Variants in FSTL4 observed in about 807,000 individuals in gnomAD.
FSTL4 encodes the protein follistatin-related protein 4.
FSTL4 carries 28 observed loss-of-function variants against 78.2 expected under a neutral mutation model. The observed-to-expected ratio is 0.36, with a 90% CI of 0.27 to 0.49. The LOEUF (loss-of-function observed/expected upper bound fraction) is 0.49. FSTL4 is among the 20% of genes least tolerant of loss of function. FSTL4 has a pLI of 0.98. For synonymous variants in FSTL4, 422 were observed against 440.5 expected, an observed-to-expected ratio of 0.96 and a Z score of 0.53; for missense variants, 922 against 1,084.9, an observed-to-expected ratio of 0.85 and a Z score of 2.11.
chr5:133,759,341 G>T, the FSTL4 span, among the ~76,000 whole-genome samples: 1 of 152,188 alleles, frequency 6.6e-6, no homozygotes, highest in Non-Finnish European at 1.5e-5. Context: ...TCCTGTACAT[G>T]CATAGTGAGA....
At position 133,225,147 on chromosome 5, in the gene FSTL4, T is replaced by C. The variant is rs1317906338; in HGVS notation, c.1312+3A>G. 1 of 1,614,200 alleles carries C rather than the reference T, an allele frequency of 6.2e-7. No individual in the cohort carries two copies. The highest frequency in any genetic ancestry group is 8.5e-7 in the Non-Finnish European group (1 of 1,180,040). On this transcript the variant is annotated splice_donor_region_variant and intron_variant, in intron 10 of 15. Transcript: ENST00000265342. The surrounding 1 kb of genome is among the most constrained non-coding windows in gnomAD (Gnocchi z 4.6). ...TGAGAAGCATAAACGCGTGTCGACT[T>C]ACGGGTCTTTCTAGCTGAGTCTTCA...
intron 4 of FSTL4, among the ~76,000 whole-genome samples, chr5:133,399,338 A>T (rs1756158376): frequency 6.6e-6 from 1 of 152,160 alleles, no homozygotes; most frequent in Non-Finnish European, 1.5e-5. Context: ...TCATTTCCAT[A>T]ATGTGTCTCA....
intron 3 of FSTL4, among the ~76,000 whole-genome samples, chr5:133,558,311 T>C (rs1020000042): frequency 6.6e-6 from 1 of 152,216 alleles, no homozygotes; most frequent in African/African-American, 2.4e-5. Context: ...GATATTGTTT[T>C]TGAGGCACTG....
At chr5:133,280,554 C>T (rs1752986257) in intron 6 of FSTL4, among the ~76,000 whole-genome samples, 2 of 152,298 alleles carry the variant, frequency 1.3e-5, no homozygotes, top group East Asian at 1.9e-4. Context: ...GCACCAAGTC[C>T]CCAGCCCCAA....
the FSTL4 span, among the ~76,000 whole-genome samples, chr5:133,674,642 G>A: frequency 0.029 from 4,474 of 151,726 alleles, 233 homozygotes; most frequent in African/African-American, 0.1. Flanking sequence ...AATAAAAACC[G>A]AACCGATGCA....
the FSTL4 span, among the ~76,000 whole-genome samples, chr5:133,740,586 G>T: frequency 2.6e-5 from 4 of 152,122 alleles, no homozygotes. Context: ...TTTGATTGGT[G>T]CTCTGTAATC....
At chr5:133,615,834 G>T (rs1307478998), upstream of FSTL4, among the ~76,000 whole-genome samples, 1 of 152,178 alleles carries the variant, frequency 6.6e-6, no homozygotes, top group Non-Finnish European at 1.5e-5. Context: ...TGTGATTGGG[G>T]AAATTTTTCG....
At chr5:133,702,977 G>A in the FSTL4 span, among the ~76,000 whole-genome samples, 1 of 152,208 alleles carries the variant, frequency 6.6e-6, no homozygotes, top group Non-Finnish European at 1.5e-5. Flanking sequence ...GCACAATGCT[G>A]CCCCACCGTG....
the FSTL4 span, among the ~76,000 whole-genome samples, chr5:133,635,582 G>A: frequency 6.6e-6 from 1 of 152,116 alleles, no homozygotes; most frequent in Admixed American, 6.5e-5. Flanking sequence ...TGACCAACAT[G>A]GAGAAACCCC....
chr5:133,790,644 C>A, the FSTL4 span, among the ~76,000 whole-genome samples: 6 of 152,180 alleles, frequency 3.9e-5, no homozygotes, highest in Admixed American at 3.9e-4. Context: ...CAACAGGCAT[C>A]TCAGGATCAT....
chr5:133,212,407 C>G (rs896098074), intron 13 of FSTL4, among the ~76,000 whole-genome samples: 2 of 152,212 alleles, frequency 1.3e-5, no homozygotes, highest in African/African-American at 4.8e-5. Context: ...GCCAAGAGAT[C>G]TGATCCTGGC....
At chr5:133,369,017 G>T (rs989954084) in intron 4 of FSTL4, among the ~76,000 whole-genome samples, 2 of 152,180 alleles carry the variant, frequency 1.3e-5, no homozygotes, top group African/African-American at 4.8e-5. Flanking sequence ...GGAAAAGTCA[G>T]TCTTGAGCCA....
chr5:133,785,345 C>T, the FSTL4 span, among the ~76,000 whole-genome samples: 4 of 152,144 alleles, frequency 2.6e-5, no homozygotes, highest in Non-Finnish European at 5.9e-5. Context: ...AGTGACCTAC[C>T]ACAGGGAAGG....
intron 3 of FSTL4, among the ~76,000 whole-genome samples, chr5:133,465,842 A>G (rs1757696243): frequency 6.6e-6 from 1 of 152,242 alleles, no homozygotes; most frequent in Admixed American, 6.5e-5. Context: ...CACTGAAACC[A>G]ACTCTAACAG....
rs770521396 is a variant in FSTL4 at position 133,523,138 on chromosome 5, C to G, written c.160+44048G>C. Among the ~76,000 whole-genome samples, 36 of 152,200 alleles carry G rather than the reference C, an allele frequency of 2.4e-4. 1 individual carries two copies. The highest frequency in any genetic ancestry group is 4.3e-4 in the Non-Finnish European group (29 of 68,018). On this transcript the variant is annotated intron_variant, in intron 3 of 15. Coordinates refer to ENST00000265342, the MANE Select transcript of FSTL4 (RefSeq NM_015082.2). ...GGACTGGTGTCCTTATAAGAAGAGACGCCAGCCGTCTCTCTCCCGGCATGC... is the reference window on the plus strand; with the variant it reads ...GGACTGGTGTCCTTATAAGAAGAGAGGCCAGCCGTCTCTCTCCCGGCATGC...
chr5:133,375,680 G>A (rs552024915), intron 4 of FSTL4, among the ~76,000 whole-genome samples: 14 of 152,236 alleles, frequency 9.2e-5, no homozygotes, highest in African/African-American at 1.7e-4. Flanking sequence ...TCTCACTCCC[G>A]TTGGGTATAG....
chr5:133,224,820 C>A (rs1751273229), intron 10 of FSTL4, among the ~76,000 whole-genome samples: 1 of 152,188 alleles, frequency 6.6e-6, no homozygotes, highest in Non-Finnish European at 1.5e-5. Context: ...TGTGGGACAT[C>A]ACGTGGATGA....
the FSTL4 span, among the ~76,000 whole-genome samples, chr5:133,805,453 T>C: frequency 2.0e-5 from 3 of 152,148 alleles, no homozygotes; most frequent in Non-Finnish European, 2.9e-5. Context: ...AGCTACCACA[T>C]GTGCATATGA....
intron 4 of FSTL4, among the ~76,000 whole-genome samples, chr5:133,345,056 C>T (rs1364322266): frequency 6.6e-6 from 1 of 151,658 alleles, no homozygotes; most frequent in African/African-American, 2.4e-5. Flanking sequence ...GCAAGCTCCG[C>T]CTCCCGGGTT....
Sources: allele counts gnomAD v4.1 joint callset (sites outside exome capture counted in the v4.1 genomes callset), GRCh38; gene constraint gnomAD v4.1.1; non-coding constraint Gnocchi (gnomAD v3.1); transcripts MANE v1.5; gene names NCBI Gene and HGNC (gene_info 2026-07-23, HGNC 2026-07-21).